SUPT3H: variants seen among roughly 807,000 people sequenced by gnomAD.
The protein encoded by SUPT3H is SPT3 homolog, SAGA and STAGA complex component.
SUPT3H carries 44 observed loss-of-function variants against 44.3 expected under a neutral mutation model. The observed-to-expected ratio is 0.99, with a 90% confidence interval of 0.78 to 1.28. The LOEUF (loss-of-function observed/expected upper bound fraction) is 1.28. SUPT3H is among the 50% of genes most tolerant of loss of function. The pLI is 0.00. For synonymous variants in SUPT3H, 124 were observed against 125.6 expected, an observed-to-expected ratio of 0.99 and a Z score of 0.09; for missense variants, 380 against 387.1, an observed-to-expected ratio of 0.98 and a Z score of 0.15.
At chr6:44,980,912 C>T (rs755626026) in intron 6 of SUPT3H, among the ~76,000 whole-genome samples, 4 of 152,124 alleles carry the variant, frequency 2.6e-5, no homozygotes, top group East Asian at 1.9e-4. Context: ...GATTAAGAAG[C>T]GCACGTCTGA....
intron 3 of SUPT3H, among the ~76,000 whole-genome samples, chr6:45,029,481 T>C (rs1484986211): frequency 6.6e-6 from 1 of 151,824 alleles, no homozygotes; most frequent in Admixed American, 6.6e-5. Flanking sequence ...TAACTATATA[T>C]TTACTGTATG....
intron 2 of SUPT3H, among the ~76,000 whole-genome samples, chr6:45,172,293 G>C (rs1010944977): frequency 6.6e-6 from 1 of 151,356 alleles, no homozygotes; most frequent in African/African-American, 2.4e-5. Context: ...GAATGGTCTC[G>C]ATCTCTGGAC....
intron 10 of SUPT3H, among the ~76,000 whole-genome samples, chr6:44,854,878 G>A (rs1674720440): frequency 1.3e-5 from 2 of 152,160 alleles, no homozygotes; most frequent in African/African-American, 4.8e-5. Flanking sequence ...ACTATCTTAT[G>A]TGACAGGATT....
At chr6:45,100,537 T>C (rs1583536679) in intron 3 of SUPT3H, among the ~76,000 whole-genome samples, 1 of 14,848 alleles carries the variant, frequency 6.7e-5, no homozygotes, top group East Asian at 2.6e-3. Context: ...CAAGACCCTG[T>C]ACTTAAAAAA....
At chr6:44,960,001 AC>A (rs1775778242) in intron 7 of SUPT3H, among the ~76,000 whole-genome samples, 1 of 152,192 alleles carries the variant, frequency 6.6e-6, no homozygotes, top group Non-Finnish European at 1.5e-5. Flanking sequence ...ATAATAAAAC[AC>A]CTATGGGCAC....
intron 2 of SUPT3H, among the ~76,000 whole-genome samples, chr6:45,277,425 AT>A (rs962341383): frequency 6.6e-6 from 1 of 152,000 alleles, no homozygotes; most frequent in Non-Finnish European, 1.5e-5. Flanking sequence ...AGAAAAGAGA[AT>A]TTTTTTTGTA....
chr6:45,331,320 A>G (rs1787465221), intron 2 of SUPT3H, among the ~76,000 whole-genome samples: 3 of 152,076 alleles, frequency 2.0e-5, no homozygotes, highest in Admixed American at 2.0e-4. Context: ...TCATGAAAAT[A>G]TATCAGCTGA....
Position 44,846,006 on chromosome 6 carries a change from C to T in SUPT3H, c.913-16149G>A, listed in dbSNP as rs535646427. ...AACTAAAAGAGCACCCTGTAACACA[C>T]GCCCACTGGGGCTTCAGCTGTAAAC... On this transcript the variant is annotated intron_variant, in intron 10 of 10. Transcript: ENST00000371459. Among the ~76,000 whole-genome samples, 27 of 152,304 alleles carry T rather than the reference C, an allele frequency of 1.8e-4. No individual in the cohort carries two copies. The South Asian group carries it at 2.7e-3, about 15-fold the overall frequency.
At chr6:44,963,296 G>A (rs1344853076) in intron 6 of SUPT3H, among the ~76,000 whole-genome samples, 4 of 152,100 alleles carry the variant, frequency 2.6e-5, no homozygotes, top group East Asian at 3.9e-4. Context: ...GCAGCAGTTC[G>A]AGATCAGCCT....
chr6:44,860,463 C>G (rs34243039), intron 10 of SUPT3H, among the ~76,000 whole-genome samples: 1 of 152,082 alleles, frequency 6.6e-6, no homozygotes, highest in Non-Finnish European at 1.5e-5. Flanking sequence ...TTTAGTTCAA[C>G]CTTCTCATTG....
At chr6:45,116,629 C>T (rs1800882545) in intron 2 of SUPT3H, among the ~76,000 whole-genome samples, 1 of 152,102 alleles carries the variant, frequency 6.6e-6, no homozygotes, top group Non-Finnish European at 1.5e-5. Flanking sequence ...AATCCTTTTA[C>T]ATGACAGGTC....
intron 1 of SUPT3H, chr6:45,371,985 C>G: frequency 1.1e-6 from 1 of 873,520 alleles, no homozygotes; most frequent in Non-Finnish European, 1.4e-6. Flanking sequence ...TCCCCCGACA[C>G]CTGGTCCAGA....
intron 2 of SUPT3H, among the ~76,000 whole-genome samples, chr6:45,290,162 A>C (rs763591655): frequency 3.3e-5 from 5 of 152,186 alleles, no homozygotes; most frequent in African/African-American, 4.8e-5. Context: ...CCTGGGCAAC[A>C]GAGTGAGACC....
intron 3 of SUPT3H, among the ~76,000 whole-genome samples, chr6:45,100,741 A>C (rs1331093986): frequency 7.9e-5 from 12 of 152,120 alleles, no homozygotes. Flanking sequence ...GAGAAAGGGA[A>C]TGTCTTACAC....
intron 9 of SUPT3H, among the ~76,000 whole-genome samples, chr6:44,936,635 T>C (rs1214077094): frequency 1.3e-5 from 2 of 152,202 alleles, no homozygotes. Context: ...TGATTGCCTC[T>C]AGTTCCATCC....
At position 44,954,563 on chromosome 6, in the gene SUPT3H, T is replaced by G; in HGVS notation, c.625A>C (p.Met209Leu). The G allele has an allele frequency of 6.2e-7, 1 of 1,614,220 alleles. No homozygotes were observed. Among genetic ancestry groups the G allele is most frequent in the Non-Finnish European group, 8.5e-7 (1 of 1,180,024 alleles). The change falls in exon 8 of 11, where the codon ATG (methionine) becomes CTG (leucine). Residue 209 changes from methionine (M) to leucine (L), a missense_variant. Coordinates refer to ENST00000371459, the MANE Select transcript of SUPT3H (RefSeq NM_003599.4). ...KFRDWLDCSSMEIKPNVVAME... is the reference protein window; with the variant it reads ...KFRDWLDCSSLEIKPNVVAME... ...GCGACAACATTGGGTTTTATCTCCA[T>G]ACTGCTGCAGTCCAACCAGTCTCGA...
At chr6:44,855,913 C>T (rs2153423374) in intron 10 of SUPT3H, among the ~76,000 whole-genome samples, 1 of 152,250 alleles carries the variant, frequency 6.6e-6, no homozygotes, top group South Asian at 2.1e-4. Context: ...AAATAATATT[C>T]TACAATCTCC....
At position 44,864,192 on chromosome 6, in the gene SUPT3H, G is replaced by A. The variant is rs139140169; in HGVS notation, c.913-34335C>T. Among the ~76,000 whole-genome samples, 305 of 152,196 alleles carry A rather than the reference G, an allele frequency of 2.0e-3. 9 individuals are homozygous for A. The East Asian group carries it at 0.045, about 23-fold the overall frequency. ...ATCTGAGACAAGGCAAGTCTCTTCC[G>A]CCTATGAGCCTGTAAAATCAAAAGC... is the stretch of plus-strand genomic sequence containing the variant. On this transcript the variant is annotated intron_variant, in intron 10 of 10. Transcript: ENST00000371459.
At chr6:45,164,347 T>C (rs1367274212) in intron 2 of SUPT3H, among the ~76,000 whole-genome samples, 1 of 152,174 alleles carries the variant, frequency 6.6e-6, no homozygotes, top group Admixed American at 6.6e-5. Context: ...ACATGAAATG[T>C]GTGGGTGTAT....
Sources: allele counts gnomAD v4.1 joint callset (sites outside exome capture counted in the v4.1 genomes callset), GRCh38; gene constraint gnomAD v4.1.1; transcripts MANE v1.5; gene names NCBI Gene and HGNC (gene_info 2026-07-23, HGNC 2026-07-21).